The following SF3B3 variants were observed in gnomAD, a reference collection of about 807,000 sequenced individuals.
The protein encoded by SF3B3 is SAP 130.
A neutral mutation model predicts 139.2 loss-of-function variants in SF3B3; 33 were observed. The ratio of observed to expected loss-of-function variants is 0.24; its 90% CI spans 0.18 to 0.32. The LOEUF (loss-of-function observed/expected upper bound fraction) is 0.32, where lower values mean the gene tolerates loss of function less well. Among genes scored for constraint, SF3B3 ranks in the 10% least tolerant of loss-of-function variants. The pLI is 1.00. For missense variants in SF3B3, 818 were observed against 1,509.4 expected (o/e 0.54, Z 7.59); for synonymous variants, 596 against 563.6 (o/e 1.06, Z -0.81).
intron 16 of SF3B3, 72 bp downstream of exon 16, chr16:70,560,663 T>C (rs1391712253): frequency 1.3e-6 from 2 of 1,547,938 alleles, no homozygotes; most frequent in Non-Finnish European, 1.8e-6. Context: ...CAATCTTTGC[T>C]GTAAGCTTCA....
chr16:70,556,783 A>G (rs1392482583), intron 14 of SF3B3, 103 bp from the exon 15 acceptor site: 1 of 1,334,500 alleles, frequency 7.5e-7, no homozygotes, highest in Non-Finnish European at 1.1e-6. Flanking sequence ...TTTTCTGTGC[A>G]TAAGGAAGTA....
chr16:70,551,441 G>A (rs2151787167), intron 11 of SF3B3, among the ~76,000 whole-genome samples: 1 of 152,284 alleles, frequency 6.6e-6, no homozygotes, highest in South Asian at 2.1e-4. Flanking sequence ...GCTGGGCGCG[G>A]TGGCTCACGC....
At chr16:70,547,061 GT>G (rs1348641147) in intron 10 of SF3B3, among the ~76,000 whole-genome samples, 1 of 152,176 alleles carries the variant, frequency 6.6e-6, no homozygotes, top group African/African-American at 2.4e-5. Flanking sequence ...ATTGTTGAAC[GT>G]TGCTTTATTC....
intron 6 of SF3B3, among the ~76,000 whole-genome samples, chr16:70,536,571 C>G (rs1057334698): frequency 4.6e-5 from 7 of 151,538 alleles, no homozygotes; most frequent in African/African-American, 9.7e-5. Flanking sequence ...TTGGGTTTCA[C>G]CGTGATCTCA....
At chr16:70,557,139 T>A in intron 15 of SF3B3, 110 bp downstream of exon 15, 1 of 1,159,362 alleles carries the variant, frequency 8.6e-7, no homozygotes. Context: ...GATCCTCACC[T>A]TATGAAAAGT....
At chr16:70,563,746 T>C in intron 17 of SF3B3, 130 bp from the exon 18 acceptor site, 1 of 805,846 alleles carries the variant, frequency 1.2e-6, no homozygotes, top group Non-Finnish European at 2.0e-6. Flanking sequence ...GAGGCTGTTG[T>C]TTAATGTTGC....
intron 15 of SF3B3, among the ~76,000 whole-genome samples, chr16:70,558,366 T>C (rs1200846976): frequency 6.6e-6 from 1 of 152,064 alleles, no homozygotes; most frequent in East Asian, 1.9e-4. Flanking sequence ...TCCTCCTACA[T>C]TGGCCTCCAA....
intron 11 of SF3B3, among the ~76,000 whole-genome samples, chr16:70,551,413 T>A (rs1159912019): frequency 6.6e-6 from 1 of 152,188 alleles, no homozygotes; most frequent in African/African-American, 2.4e-5. Flanking sequence ...CAGCGTTTTT[T>A]TTAAAATAGT....
chr16:70,538,323 A>C lies in SF3B3; in HGVS notation c.826A>C (p.Asn276His). The C allele has an allele frequency of 6.2e-7, 1 of 1,613,560 alleles. No individual in the cohort carries two copies. Among genetic ancestry groups the C allele is most frequent in the South Asian group, 1.1e-5 (1 of 91,002 alleles). ...TTGATTGTGTTTTTGACTTTGCTAG[A>C]ATGACCTGGATGACCCTGAAAGAGG... Reference protein sequence around the residue: ...DIRCPIPRRRNDLDDPERGMI... With the variant: ...DIRCPIPRRRHDLDDPERGMI... Residue 276 changes from asparagine to histidine, a missense_variant and splice_region_variant, in exon 7 of 26, where the codon AAT becomes CAT. Around this residue, in one of 14 missense-constraint regions of SF3B3, gnomAD observed 80 missense variants for 206.5 expected, o/e 0.39. Transcript: ENST00000302516.
At chr16:70,570,591 A>G (rs1264110013) in intron 24 of SF3B3, among the ~76,000 whole-genome samples, 2 of 152,044 alleles carry the variant, frequency 1.3e-5, no homozygotes, top group Non-Finnish European at 2.9e-5. Flanking sequence ...CAGCCTCCCA[A>G]AGTGCTGGGA....
At chr16:70,555,477 CAA>C (rs33955800) in intron 13 of SF3B3, among the ~76,000 whole-genome samples, 9,171 of 72,628 alleles carry the variant, frequency 0.13, 267 homozygotes, top group Middle Eastern at 0.2. Flanking sequence ...GACTCCGTCT[CAA>C]AAAAAAAAAA....
At chr16:70,561,567 C>T in intron 16 of SF3B3, 63 bp from the exon 17 acceptor site, 1 of 1,476,548 alleles carries the variant, frequency 6.8e-7, no homozygotes, top group Non-Finnish European at 9.4e-7. Flanking sequence ...TTTTGGTCAG[C>T]TTATACCATA....
At chr16:70,524,111 C>T (rs983258663) in intron 1 of SF3B3, 183 bp downstream of exon 1, 22 of 381,196 alleles carry the variant, frequency 5.8e-5, no homozygotes, top group Admixed American at 8.9e-5. Context: ...CTCTCGCTTC[C>T]ATCCACAGTG....
chr16:70,550,713 T>G (rs2050316289), intron 11 of SF3B3: 1 of 975,376 alleles, frequency 1.0e-6, no homozygotes, highest in Non-Finnish European at 1.2e-6. Flanking sequence ...ATGTGGGGTC[T>G]TATAGTTTAT....
chr16:70,542,663 A>C (rs2050230264), intron 9 of SF3B3, among the ~76,000 whole-genome samples: 1 of 152,196 alleles, frequency 6.6e-6, no homozygotes, highest in Admixed American at 6.5e-5. Flanking sequence ...CCTTTCTGAG[A>C]AACGATTAGT....
At chr16:70,530,082 C>T (rs566979497) in intron 3 of SF3B3, among the ~76,000 whole-genome samples, 1 of 151,122 alleles carries the variant, frequency 6.6e-6, no homozygotes, top group Non-Finnish European at 1.5e-5. Context: ...GCCGAGATAG[C>T]GCTACTGCAC....
intron 6 of SF3B3, 172 bp from the exon 7 acceptor site, chr16:70,538,151 T>G: frequency 1.3e-6 from 1 of 741,914 alleles, no homozygotes; most frequent in South Asian, 1.4e-5. Context: ...GATATTTATA[T>G]TAGAATTTTG....
chr16:70,544,616 C>T, intron 10 of SF3B3, 83 bp downstream of exon 10: 2 of 793,398 alleles, frequency 2.5e-6, no homozygotes, highest in South Asian at 3.0e-5. Flanking sequence ...CTGATGTTGT[C>T]AAAGACATAG....
At chr16:70,558,505 TTC>T (rs200281969) in intron 15 of SF3B3, among the ~76,000 whole-genome samples, 4,257 of 152,294 alleles carry the variant, frequency 0.028, 87 homozygotes, top group Non-Finnish European at 0.04. Flanking sequence ...TCACCTTTTT[TTC>T]TCTCTTTTTT....
Sources: gnomAD v4.1 joint callset for allele counts (sites outside exome capture counted in the v4.1 genomes callset) on GRCh38, gnomAD v4.1.1 for gene constraint, gnomAD v4.1.1 regional missense constraint, MANE v1.5 for transcripts, NCBI Gene and HGNC (gene_info 2026-07-23, HGNC 2026-07-21) for gene names.